INPP5F: variants seen among roughly 807,000 people sequenced by gnomAD.
INPP5F encodes the protein phosphatidylinositide 4-phosphatase SAC2.
INPP5F carries 97 observed loss-of-function variants against 137.2 expected under a neutral mutation model. That is an observed-to-expected ratio of 0.71 (90% CI 0.60 to 0.84). The LOEUF is 0.84. Ranked by LOEUF, INPP5F falls within the 40% of genes least tolerant of loss-of-function variation. The probability of loss-of-function intolerance (pLI) is 0.00; values close to 1 mark genes in which losing one functional copy is unlikely to be tolerated. For missense variants in INPP5F, 1,271 were observed against 1,371.9 expected, an observed-to-expected ratio of 0.93 and a Z score of 1.16; for synonymous variants, 504 against 476.9, an observed-to-expected ratio of 1.06 and a Z score of -0.74.
At chr10:119,826,183 C>G (rs1339149309) in intron 19 of INPP5F, among the ~76,000 whole-genome samples, 2 of 152,186 alleles carry the variant, frequency 1.3e-5, no homozygotes, top group African/African-American at 4.8e-5. Flanking sequence ...GGTGGCTGTG[C>G]TAGACCCGCA....
intron 19 of INPP5F, chr10:119,826,041 A>G (rs919507987): frequency 5.0e-6 from 2 of 398,552 alleles, no homozygotes; most frequent in East Asian, 3.6e-5. Context: ...ACATATAAGA[A>G]AATGGAAGTC....
At chr10:119,801,323 T>G (rs1850584631) in intron 9 of INPP5F, among the ~76,000 whole-genome samples, 1 of 152,226 alleles carries the variant, frequency 6.6e-6, no homozygotes, top group South Asian at 2.1e-4. Context: ...TTACATACAG[T>G]TGGTTCTCTT....
At chr10:119,818,850 G>GGGCTGCCACTGCCGCAGCAGCC (rs1330400504) in intron 15 of INPP5F, 1 of 152,332 alleles carries the variant, frequency 6.6e-6, no homozygotes, top group Non-Finnish European at 1.5e-5. Flanking sequence ...ACCGCGCAGC[G>GGGCTGCCACTGCCGCAGCAGCC]GGCTGCCACT....
chr10:119,785,535 C>CGAGAGAGAGAGAGAGAGAGAGAGAGA lies in INPP5F; in HGVS notation c.315+3783_315+3808dup, dbSNP rs59804262. Among the ~76,000 whole-genome samples, 38 of 93,624 alleles carry CGAGAGAGAGAGAGAGAGAGAGAGAGA rather than the reference C, an allele frequency of 4.1e-4. 2 individuals carry two copies. Among genetic ancestry groups the CGAGAGAGAGAGAGAGAGAGAGAGAGA allele is most frequent in the South Asian group, 8.6e-4 (2 of 2,330 alleles). The allele number at this position is 93,624 out of a possible 152,430, so 61.4% of individuals were successfully genotyped here. A position where few individuals can be genotyped will look rare whatever the true frequency, so the allele number is the denominator to read the frequency against. On this transcript the variant is annotated intron_variant, in intron 3 of 19. Transcript: ENST00000650623. ...TGATCTCCTGACCTTGTGATCCGCT[C>CGAGAGAGAGAGAGAGAGAGAGAGAGA]GAGAGAGAGAGAGAGAGAGAGAGAG...
At chr10:119,819,456 T>C (rs778181916) in intron 15 of INPP5F, 2 of 1,575,490 alleles carry the variant, frequency 1.3e-6, no homozygotes, top group Non-Finnish European at 1.7e-6. Context: ...AACACTGTAA[T>C]TAGTAGTAGA....
At chr10:119,797,433 GCTGTTTT>G (rs765996964) in intron 7 of INPP5F, 21 bp from the exon 8 acceptor site, 2 of 1,545,054 alleles carry the variant, frequency 1.3e-6, no homozygotes, top group Admixed American at 1.9e-5. Context: ...TTAAAATGTT[GCTGTTTT>G]CTGTTTTAAT....
chr10:119,812,343 T>G (rs1851074653), intron 15 of INPP5F, among the ~76,000 whole-genome samples: 1 of 151,576 alleles, frequency 6.6e-6, no homozygotes, highest in Admixed American at 6.6e-5. Flanking sequence ...AAAGTGGTCC[T>G]GGCCTTTTAT....
chr10:119,747,534 AT>A (rs940461371), intron 1 of INPP5F, among the ~76,000 whole-genome samples: 19 of 152,108 alleles, frequency 1.2e-4, no homozygotes, highest in Non-Finnish European at 1.8e-4. Context: ...TTAAAAAAAA[AT>A]TTTTTTTAAT....
In INPP5F at chr10:119,726,063, G is replaced by GGCCGCCGCTGCC. The variant is rs1001044421; in HGVS notation, c.-186_-175dup. The GGCCGCCGCTGCC allele has an allele frequency of 3.7e-4, 137 of 366,008 alleles. No homozygotes were observed. Among genetic ancestry groups the GGCCGCCGCTGCC allele is most frequent in the Middle Eastern group, 7.5e-4 (1 of 1,342 alleles). The allele number at this position is 366,008 out of a possible 1,614,324, so 22.7% of individuals were successfully genotyped here. A position where few individuals can be genotyped will look rare whatever the true frequency, so the allele number is the denominator to read the frequency against. ...AGGAGCGGGGGGGAGAGGCCTCTAC[G>GGCCGCCGCTGCC]GCCGCCGCTGCCGCCGCCGCTGCCG... is the stretch of plus-strand genomic sequence containing the variant. On this transcript the variant is annotated 5_prime_UTR_variant, in exon 1 of 20. Coordinates refer to ENST00000650623, the MANE Select transcript of INPP5F (RefSeq NM_014937.4).
chr10:119,745,945 G>A (rs755207838), intron 1 of INPP5F, among the ~76,000 whole-genome samples: 11 of 152,014 alleles, frequency 7.2e-5, no homozygotes, highest in East Asian at 1.9e-4. Context: ...CCTGTGATCC[G>A]CCCGCCTTGG....
chr10:119,824,543 G>A (rs904777280), intron 19 of INPP5F, among the ~76,000 whole-genome samples: 1 of 152,178 alleles, frequency 6.6e-6, no homozygotes, highest in African/African-American at 2.4e-5. Context: ...GATGGCCTGT[G>A]TAGTATTGTT....
chr10:119,728,599 G>A (rs1416251912), intron 1 of INPP5F, among the ~76,000 whole-genome samples: 1 of 152,174 alleles, frequency 6.6e-6, no homozygotes, highest in Non-Finnish European at 1.5e-5. Context: ...GCTCAAAAAA[G>A]CTTGTGGGCA....
Position 119,827,216 on chromosome 10 carries a change from C to T in INPP5F, c.2835C>T (p.Asp945=), listed in dbSNP as rs200506180. Residue 945 remains aspartate, a synonymous_variant, in exon 20 of 20, where the codon GAC becomes GAT. Transcript: ENST00000650623. ...TGAAGAAAAGTCCTTCTGCTGGCGA[C>T]GTACACATATTGACTGGCTTTGCCA... is the stretch of plus-strand genomic sequence containing the variant. ...SPLKKSPSAG[D]VHILTGFAKP... 51 of 1,614,070 alleles carry T rather than the reference C, an allele frequency of 3.2e-5. No homozygotes were observed. The highest frequency in any genetic ancestry group is 1.7e-4 in the Middle Eastern group (1 of 6,060).
intron 14 of INPP5F, 123 bp from the exon 15 acceptor site, chr10:119,811,634 C>T: frequency 1.3e-6 from 1 of 741,940 alleles, no homozygotes; most frequent in Non-Finnish European, 2.2e-6. Context: ...TCCAAGGTTA[C>T]AAAGATTTAT....
rs1850428090 is a variant in INPP5F, at chr10:119,797,506, C to T, written c.914C>T (p.Ala305Val). Residue 305 changes from alanine (A) to valine (V), a missense_variant, in exon 8 of 20, where the codon GCC becomes GTC. Transcript: ENST00000650623. ...GGAGTGGATAAAAATGGAAATGTTG[C>T]CAATTATGTGGAGACTGAGCAGTTG... The part of the protein sequence containing the change: ...RRGVDKNGNV[A>V]NYVETEQLIH... 1 of 1,611,998 alleles carries T rather than the reference C, an allele frequency of 6.2e-7. No individual in the cohort carries two copies. The highest frequency in any genetic ancestry group is 8.5e-7 in the Non-Finnish European group (1 of 1,179,028).
chr10:119,726,071 C>T lies in INPP5F; in HGVS notation c.-192C>T. 1 of 370,426 alleles carries T rather than the reference C, an allele frequency of 2.7e-6. No individual in the cohort carries two copies. The highest frequency in any genetic ancestry group is 4.8e-6 in the Non-Finnish European group (1 of 209,266). 22.9% of individuals were successfully genotyped at this position (370,426 alleles called of 1,614,324 possible). A position where few individuals can be genotyped will look rare whatever the true frequency, so the allele number is the denominator to read the frequency against. ...GGGGGAGAGGCCTCTACGGCCGCCG[C>T]TGCCGCCGCCGCTGCCGGGGCGCGT... On this transcript the variant is annotated 5_prime_UTR_variant, in exon 1 of 20. Coordinates refer to ENST00000650623, the MANE Select transcript of INPP5F (RefSeq NM_014937.4).
Position 119,822,470 on chromosome 10 carries a change from A to G in INPP5F, c.1998A>G (p.Arg666=). Residue 666 remains arginine (R), a synonymous_variant, in exon 17 of 20, where the codon CGA becomes CGG. Coordinates refer to ENST00000650623, the MANE Select transcript of INPP5F (RefSeq NM_014937.4). ...TTGATAAAGTAAACCAGTATCAACG[A>G]CTAAGTCTAGAAAACCTGGAAAAAA... is the stretch of plus-strand genomic sequence containing the variant. ...DEVDKVNQYQ[R]LSLENLEKIE... The G allele has an allele frequency of 6.5e-7, 1 of 1,536,874 alleles. No homozygotes were observed. The highest frequency in any genetic ancestry group is 8.9e-7 in the Non-Finnish European group (1 of 1,121,276).
intron 2 of INPP5F, among the ~76,000 whole-genome samples, chr10:119,764,343 G>GCA (rs71019713): frequency 1.3e-3 from 193 of 150,852 alleles, no homozygotes; most frequent in Middle Eastern, 3.4e-3. Context: ...ACAGGCGTGT[G>GCA]CACACACACA....
intron 6 of INPP5F, among the ~76,000 whole-genome samples, chr10:119,795,171 C>T (rs980665086): frequency 6.7e-6 from 1 of 149,204 alleles, no homozygotes; most frequent in African/African-American, 2.5e-5. Context: ...GCTGGCCGGG[C>T]AGAGGGGCTC....
Sources: gnomAD v4.1 joint callset for allele counts (sites outside exome capture counted in the v4.1 genomes callset) on GRCh38, gnomAD v4.1.1 for gene constraint, MANE v1.5 for transcripts, NCBI Gene and HGNC (gene_info 2026-07-23, HGNC 2026-07-21) for gene names.